RXRA: variants seen among roughly 807,000 people sequenced by gnomAD.
The protein encoded by RXRA is retinoic acid receptor RXR-alpha.
In RXRA, 5 loss-of-function variants were observed where a neutral mutation model predicts 44.5. The ratio of observed to expected loss-of-function variants is 0.11; its 90% confidence interval spans 0.06 to 0.24. The LOEUF is 0.24. Among genes scored for constraint, RXRA ranks in the 10% least tolerant of loss-of-function variants. RXRA has a pLI of 1.00. For missense variants in RXRA, 412 were observed against 646.5 expected (o/e 0.64, Z 3.93); for synonymous variants, 291 against 271.4 (o/e 1.07, Z -0.71).
chr9:134,382,376 G>T (rs115014854), intron 1 of RXRA, among the ~76,000 whole-genome samples: 4 of 152,058 alleles, frequency 2.6e-5, no homozygotes, highest in African/African-American at 9.7e-5. Flanking sequence ...TGAGGCCTGG[G>T]GAGACAGTGG....
intron 1 of RXRA, among the ~76,000 whole-genome samples, chr9:134,372,452 A>G (rs892639346): frequency 3.9e-5 from 6 of 151,966 alleles, no homozygotes; most frequent in Non-Finnish European, 7.4e-5. Flanking sequence ...TGGCCCTGGG[A>G]CTGTCCCGTG....
intron 4 of RXRA, among the ~76,000 whole-genome samples, chr9:134,412,952 C>T (rs1002016345): frequency 2.0e-5 from 3 of 152,230 alleles, no homozygotes; most frequent in Admixed American, 1.3e-4. Flanking sequence ...CTCTGAAGGA[C>T]TGGGTGTGGA....
intron 1 of RXRA, among the ~76,000 whole-genome samples, chr9:134,388,341 A>G (rs1312240348): frequency 6.6e-6 from 1 of 150,820 alleles, no homozygotes. Context: ...TGGGGTCACT[A>G]CGGGCATCTG....
chr9:134,420,279 G>A (rs1285020657), intron 5 of RXRA, among the ~76,000 whole-genome samples: 1 of 152,252 alleles, frequency 6.6e-6, no homozygotes, highest in Non-Finnish European at 1.5e-5. Context: ...AGAAGGAGAG[G>A]CTGAGGCTAA....
At chr9:134,369,323 TG>T (rs1326199263) in intron 1 of RXRA, among the ~76,000 whole-genome samples, 1 of 64,854 alleles carries the variant, frequency 1.5e-5, no homozygotes, top group Non-Finnish European at 2.7e-5. Context: ...GGGTTGTGTG[TG>T]TGGGGGGGGT....
chr9:134,418,324 T>C (rs1831273863), intron 5 of RXRA, among the ~76,000 whole-genome samples: 1 of 152,200 alleles, frequency 6.6e-6, no homozygotes, highest in East Asian at 1.9e-4. Flanking sequence ...TGGGTCCAGC[T>C]GGCCCTCAGG....
At chr9:134,363,247 TG>T (rs1830375243) in intron 1 of RXRA, among the ~76,000 whole-genome samples, 1 of 151,604 alleles carries the variant, frequency 6.6e-6, no homozygotes, top group Admixed American at 6.6e-5. Flanking sequence ...GGCGAGGGGG[TG>T]GGGGCCTCGT....
intron 1 of RXRA, among the ~76,000 whole-genome samples, chr9:134,374,557 C>G (rs1025702454): frequency 1.3e-5 from 2 of 152,208 alleles, no homozygotes; most frequent in Non-Finnish European, 2.9e-5. Flanking sequence ...CCCCCCGCCT[C>G]CGGTCTTCCT....
rs556675944 is a variant in RXRA, at chr9:134,418,467, C to G, written c.780+1140C>G. Reference sequence around the variant, plus strand: ...AGGCCGACCATGAGGTTGCCCCAACCTCTGTCCCTCTGTGGGCCCAGGCAC... The same window carrying G: ...AGGCCGACCATGAGGTTGCCCCAACGTCTGTCCCTCTGTGGGCCCAGGCAC... On this transcript the variant is annotated intron_variant, in intron 5 of 9. Coordinates refer to ENST00000481739, the MANE Select transcript of RXRA (RefSeq NM_002957.6). 9.7e-4 allele frequency among the ~76,000 whole-genome samples: 148 copies of G among 152,288 alleles called. 1 individual carries two copies. The highest frequency in any genetic ancestry group is 3.2e-3 in the African/African-American group (134 of 41,556).
chr9:134,391,360 C>T (rs776805712), intron 1 of RXRA, among the ~76,000 whole-genome samples: 6 of 152,198 alleles, frequency 3.9e-5, no homozygotes, highest in Non-Finnish European at 5.9e-5. Flanking sequence ...GGCCGTTCCA[C>T]GACAGAGCTG....
intron 1 of RXRA, among the ~76,000 whole-genome samples, chr9:134,354,037 C>A (rs1193238537): frequency 1.3e-5 from 2 of 152,172 alleles, no homozygotes; most frequent in African/African-American, 4.8e-5. Context: ...AAGACGGAGC[C>A]TAGACTTCAC....
In RXRA at chr9:134,440,449, C is replaced by G. The variant is rs1831715041; in HGVS notation, c.*3835C>G. 1 of 152,612 alleles carries G rather than the reference C, an allele frequency of 6.6e-6. No individual in the cohort carries two copies. The highest frequency in any genetic ancestry group is 2.1e-4 in the South Asian group (1 of 4,838). 9.5% of individuals were successfully genotyped at this position (152,612 alleles called of 1,614,324 possible). On this transcript the variant is annotated 3_prime_UTR_variant, in exon 10 of 10. Transcript: ENST00000481739. Reference sequence around the variant, plus strand: ...AAGTGGCTTCTCCGTACGATTGTCTCTGAAACATCGTGGCCTCAGGTGCCA... The same window carrying G: ...AAGTGGCTTCTCCGTACGATTGTCTGTGAAACATCGTGGCCTCAGGTGCCA...
At chr9:134,399,111 T>C (rs1307446274) in intron 1 of RXRA, among the ~76,000 whole-genome samples, 1 of 152,258 alleles carries the variant, frequency 6.6e-6, no homozygotes, top group Non-Finnish European at 1.5e-5. Context: ...ATTTCACAGA[T>C]GAGGAAACTG....
Position 134,434,097 on chromosome 9 carries a change from T to A in RXRA, c.1136-5T>A, listed in dbSNP as rs765336165. ...GGGTTCTGACCTGTGGCTTCTTCCT[T>A]TCAGACTCCAAGGGGCTCTCGAACC... is the stretch of plus-strand genomic sequence containing the variant. On this transcript the variant is annotated splice_polypyrimidine_tract_variant and splice_region_variant and intron_variant, in intron 8 of 9. Coordinates refer to ENST00000481739, the MANE Select transcript of RXRA (RefSeq NM_002957.6). The A allele has an allele frequency of 6.2e-7, 1 of 1,612,070 alleles. No individual in the cohort carries two copies. The highest frequency in any genetic ancestry group is 1.3e-5 in the African/African-American group (1 of 74,856).
chr9:134,389,401 G>A (rs1830767951), intron 1 of RXRA, among the ~76,000 whole-genome samples: 2 of 152,040 alleles, frequency 1.3e-5, no homozygotes, highest in Non-Finnish European at 2.9e-5. Context: ...AGGGGGTTAG[G>A]GGGCCAGGGC....
intron 1 of RXRA, among the ~76,000 whole-genome samples, chr9:134,391,505 G>A (rs1018889904): frequency 7.2e-5 from 11 of 152,308 alleles, no homozygotes; most frequent in East Asian, 1.9e-4. Context: ...CCACACAGGC[G>A]GGCTGTGGGG....
chr9:134,360,212 C>T (rs764505838), intron 1 of RXRA, among the ~76,000 whole-genome samples: 65 of 152,218 alleles, frequency 4.3e-4, no homozygotes, highest in Non-Finnish European at 8.7e-4. Context: ...CCTCAGTAGC[C>T]TCGGTGGGGG....
intron 1 of RXRA, among the ~76,000 whole-genome samples, chr9:134,394,289 G>A (rs1830845691): frequency 6.6e-6 from 1 of 151,882 alleles, no homozygotes; most frequent in Non-Finnish European, 1.5e-5. Flanking sequence ...TGACAGTGCA[G>A]ATGTGTCATT....
intron 1 of RXRA, among the ~76,000 whole-genome samples, chr9:134,356,442 G>A (rs1451998130): frequency 6.6e-6 from 1 of 152,110 alleles, no homozygotes; most frequent in South Asian, 2.1e-4. Context: ...CCGGGCCGGG[G>A]AGCCAGGAGT....
Sources: allele counts gnomAD v4.1 joint callset (sites outside exome capture counted in the v4.1 genomes callset), GRCh38; gene constraint gnomAD v4.1.1; transcripts MANE v1.5; gene names NCBI Gene and HGNC (gene_info 2026-07-23, HGNC 2026-07-21).